THSD7A: variants seen among roughly 807,000 people sequenced by gnomAD.
The protein encoded by THSD7A is thrombospondin type-1 domain-containing protein 7A.
A neutral mutation model predicts 231.3 loss-of-function variants in THSD7A; 96 were observed. The observed-to-expected ratio is 0.41, with a 90% CI of 0.35 to 0.49. The LOEUF is 0.49. THSD7A is among the 20% of genes least tolerant of loss of function. THSD7A has a pLI of 0.05. For synonymous variants in THSD7A, 940 were observed against 743.3 expected, an observed-to-expected ratio of 1.26 and a Z score of -4.30; for missense variants, 2,290 against 2,070.2, an observed-to-expected ratio of 1.11 and a Z score of -2.06.
chr7:11,431,547 T>G (rs974435760), intron 13 of THSD7A, among the ~76,000 whole-genome samples: 1 of 152,184 alleles, frequency 6.6e-6, no homozygotes, highest in African/African-American at 2.4e-5. Flanking sequence ...ATTCCATTTA[T>G]CTCCATGTCT....
chr7:11,587,205 C>G (rs1395496646), intron 4 of THSD7A, among the ~76,000 whole-genome samples: 2 of 152,194 alleles, frequency 1.3e-5, no homozygotes, highest in Admixed American at 6.5e-5. Flanking sequence ...AGGACTCATA[C>G]AGATAACCTC....
At chr7:11,666,421 A>G (rs1783133438) in intron 1 of THSD7A, among the ~76,000 whole-genome samples, 1 of 97,504 alleles carries the variant, frequency 1.0e-5, no homozygotes, top group African/African-American at 4.6e-5. Flanking sequence ...GGAATTTTCC[A>G]CTTGTGGCAT....
chr7:11,817,887 A>T (rs1784755565), intron 1 of THSD7A, among the ~76,000 whole-genome samples: 1 of 151,910 alleles, frequency 6.6e-6, no homozygotes, highest in Non-Finnish European at 1.5e-5. Context: ...CTGACTACAC[A>T]CACACACAGG....
intron 6 of THSD7A, among the ~76,000 whole-genome samples, chr7:11,535,683 T>C (rs1788886380): frequency 6.6e-6 from 1 of 152,108 alleles, no homozygotes; most frequent in Non-Finnish European, 1.5e-5. Context: ...GATTCAGTTA[T>C]AGGATGGATT....
chr7:11,699,026 A>G (rs1429356885), intron 1 of THSD7A, among the ~76,000 whole-genome samples: 1 of 149,520 alleles, frequency 6.7e-6, no homozygotes, highest in Non-Finnish European at 1.5e-5. Flanking sequence ...CATTGCCAAG[A>G]GGCCGATAAC....
At chr7:11,402,045 C>A in intron 22 of THSD7A, 77 bp from the exon 23 acceptor site, 1 of 1,238,800 alleles carries the variant, frequency 8.1e-7, no homozygotes, top group South Asian at 1.4e-5. Context: ...AATTCCAACC[C>A]CAGTAGGCAA....
chr7:11,463,242 C>T (rs1000188539), intron 9 of THSD7A, among the ~76,000 whole-genome samples: 2 of 152,084 alleles, frequency 1.3e-5, no homozygotes, highest in Non-Finnish European at 2.9e-5. Context: ...ATGGAATATC[C>T]TTTCTCATTC....
chr7:11,687,036 A>C (rs1780079455), intron 1 of THSD7A, among the ~76,000 whole-genome samples: 1 of 151,900 alleles, frequency 6.6e-6, no homozygotes, highest in Non-Finnish European at 1.5e-5. Context: ...ATGTGGGAGA[A>C]AGAAATTTTG....
At chr7:11,512,942 G>GATACATATATATATATATATATACAT (rs1554327830) in intron 6 of THSD7A, among the ~76,000 whole-genome samples, 2 of 101,974 alleles carry the variant, frequency 2.0e-5, no homozygotes, top group Non-Finnish European at 3.8e-5. Flanking sequence ...AAGAAACTAT[G>GATACATATATATATATATATATACAT]ATATATATAT....
chr7:11,500,016 T>C (rs1177546525), intron 6 of THSD7A, among the ~76,000 whole-genome samples: 1 of 152,122 alleles, frequency 6.6e-6, no homozygotes, highest in East Asian at 1.9e-4. Flanking sequence ...CCTAGATACA[T>C]AATCATCAGA....
chr7:11,530,752 G>T (rs12666325), intron 6 of THSD7A, among the ~76,000 whole-genome samples: 4 of 152,074 alleles, frequency 2.6e-5, no homozygotes, highest in African/African-American at 9.6e-5. Context: ...GCTCATGCCT[G>T]TAAATCCCAA....
At chr7:11,420,559 G>T (rs1202519991) in intron 16 of THSD7A, among the ~76,000 whole-genome samples, 2 of 152,228 alleles carry the variant, frequency 1.3e-5, no homozygotes, top group Non-Finnish European at 2.9e-5. Context: ...GTCTGTTGCA[G>T]GGGTGGAGCT....
chr7:11,579,608 G>T (rs1238003507), intron 4 of THSD7A, among the ~76,000 whole-genome samples: 1 of 152,094 alleles, frequency 6.6e-6, no homozygotes, highest in Non-Finnish European at 1.5e-5. Context: ...TCAGGTTACA[G>T]GTATGAAGTA....
At chr7:11,438,357 C>G (rs1051227196) in intron 13 of THSD7A, among the ~76,000 whole-genome samples, 1 of 151,888 alleles carries the variant, frequency 6.6e-6, no homozygotes, top group Non-Finnish European at 1.5e-5. Flanking sequence ...ATTTGTAGAG[C>G]CTTCTTTTTA....
At chr7:11,689,146 A>G (rs990904035) in intron 1 of THSD7A, among the ~76,000 whole-genome samples, 40 of 151,968 alleles carry the variant, frequency 2.6e-4, no homozygotes, top group African/African-American at 9.4e-4. Context: ...CTAAGTCATA[A>G]AAGTCTTAGA....
chr7:11,586,519 G>A (rs1410865901), intron 4 of THSD7A, among the ~76,000 whole-genome samples: 1 of 152,136 alleles, frequency 6.6e-6, no homozygotes, highest in Non-Finnish European at 1.5e-5. Context: ...TTTCAAAAGT[G>A]AGGAACAGGA....
In THSD7A at chr7:11,431,116, C is replaced by T. The variant is rs186412811; in HGVS notation, c.3065-1991G>A. On this transcript the variant is annotated intron_variant, in intron 13 of 27. Coordinates refer to ENST00000423059, the MANE Select transcript of THSD7A (RefSeq NM_015204.3). The stretch of plus-strand genomic sequence containing the variant: ...CACTTTATACTCCACCAGATATGCA[C>T]GCATGTTCCAATTTCTATGAATTCT... 3.3e-5 allele frequency among the ~76,000 whole-genome samples: 5 copies of T among 152,260 alleles called. No homozygotes were observed. In the East Asian group the frequency reaches 5.8e-4, roughly 18 times the overall value.
In THSD7A at chr7:11,672,469, A is replaced by G. The variant is rs528203516; in HGVS notation, c.191-35508T>C. Among the ~76,000 whole-genome samples, 20 of 150,584 alleles carry G rather than the reference A, an allele frequency of 1.3e-4. No individual in the cohort carries two copies. In the South Asian group the frequency reaches 4.1e-3, roughly 31 times the overall value. On this transcript the variant is annotated intron_variant, in intron 1 of 27. Transcript: ENST00000423059. ...TGTTCTATCATACACTAATATAAAG[A>G]TGTTAATCTTATAATTATTACTCAT...
At chr7:11,599,293 C>A (rs1442431551) in intron 2 of THSD7A, among the ~76,000 whole-genome samples, 2 of 152,162 alleles carry the variant, frequency 1.3e-5, no homozygotes, top group South Asian at 2.1e-4. Flanking sequence ...GTCACTCCAC[C>A]AGGAAAAATA....
Sources: gnomAD v4.1 joint callset for allele counts (sites outside exome capture counted in the v4.1 genomes callset) on GRCh38, gnomAD v4.1.1 for gene constraint, MANE v1.5 for transcripts, NCBI Gene and HGNC (gene_info 2026-07-23, HGNC 2026-07-21) for gene names.